The following SIPA1L1 variants were observed in gnomAD, a reference collection of about 807,000 sequenced individuals.
The protein encoded by SIPA1L1 is signal-induced proliferation-associated 1-like protein 1.
A neutral mutation model predicts 162.7 loss-of-function variants in SIPA1L1; 26 were observed. The ratio of observed to expected loss-of-function variants is 0.16; its 90% confidence interval spans 0.12 to 0.22. The LOEUF is 0.22. SIPA1L1 is among the 10% of genes least tolerant of loss of function. SIPA1L1 has a pLI of 1.00. For missense variants in SIPA1L1, 1,874 were observed against 2,241.0 expected, an observed-to-expected ratio of 0.84 and a Z score of 3.31; for synonymous variants, 829 against 837.4, an observed-to-expected ratio of 0.99 and a Z score of 0.17.
chr14:71,419,474 ATC>A (rs2043023054), intron 2 of SIPA1L1, among the ~76,000 whole-genome samples: 1 of 125,592 alleles, frequency 8.0e-6, no homozygotes, highest in African/African-American at 3.0e-5. Flanking sequence ...CTCAAGGAGG[ATC>A]TCTCTTTTTT....
chr14:71,468,208 A>G (rs766904178), intron 2 of SIPA1L1, among the ~76,000 whole-genome samples: 3 of 152,216 alleles, frequency 2.0e-5, no homozygotes, highest in Admixed American at 6.5e-5. Context: ...AATAAAAGGC[A>G]TTGTCTCTAC....
intron 5 of SIPA1L1, among the ~76,000 whole-genome samples, chr14:71,603,687 C>T (rs2037074244): frequency 6.6e-6 from 1 of 151,852 alleles, no homozygotes; most frequent in Non-Finnish European, 1.5e-5. Context: ...CTTTGGGAGG[C>T]CGAGGCGGGT....
At chr14:71,645,439 C>T (rs527324999) in intron 7 of SIPA1L1, among the ~76,000 whole-genome samples, 6 of 152,300 alleles carry the variant, frequency 3.9e-5, no homozygotes, top group African/African-American at 1.4e-4. Flanking sequence ...ACACAAAGTT[C>T]ATCTTGCAAC....
intron 10 of SIPA1L1, among the ~76,000 whole-genome samples, chr14:71,670,291 A>G (rs2044390219): frequency 6.6e-6 from 1 of 152,180 alleles, no homozygotes; most frequent in South Asian, 2.1e-4. Context: ...ACAAATGTTC[A>G]TATGATCCTT....
intron 14 of SIPA1L1, among the ~76,000 whole-genome samples, chr14:71,700,091 A>G (rs2081970262): frequency 6.6e-6 from 1 of 152,142 alleles, no homozygotes; most frequent in African/African-American, 2.4e-5. Flanking sequence ...ATACATGAGA[A>G]ATGAAATTAA....
At chr14:71,324,140 A>G (rs2033502590) in intron 2 of SIPA1L1, among the ~76,000 whole-genome samples, 2 of 152,352 alleles carry the variant, frequency 1.3e-5, no homozygotes, top group Non-Finnish European at 2.9e-5. Context: ...TGATGAGAAT[A>G]CATGTATGAA....
chr14:71,521,404 A>G (rs1298194342), intron 3 of SIPA1L1, among the ~76,000 whole-genome samples: 5 of 152,098 alleles, frequency 3.3e-5, no homozygotes, highest in Non-Finnish European at 7.4e-5. Flanking sequence ...AACTAGGCCT[A>G]TTTGTTCAGC....
intron 5 of SIPA1L1, among the ~76,000 whole-genome samples, chr14:71,601,474 G>T (rs2036740810): frequency 6.6e-6 from 1 of 152,106 alleles, no homozygotes; most frequent in Non-Finnish European, 1.5e-5. Context: ...TCTTTGGTGT[G>T]TTGTTGGATT....
intron 2 of SIPA1L1, among the ~76,000 whole-genome samples, chr14:71,448,320 CAG>C (rs1461996124): frequency 2.0e-5 from 3 of 152,142 alleles, no homozygotes; most frequent in Admixed American, 6.6e-5. Context: ...CCATGTGCCA[CAG>C]AGTTTCCTAA....
chr14:71,614,071 G>T (rs565634511), intron 5 of SIPA1L1, among the ~76,000 whole-genome samples: 1 of 152,018 alleles, frequency 6.6e-6, no homozygotes, highest in African/African-American at 2.4e-5. Flanking sequence ...GTGGTGGCAC[G>T]TGCCTGTAGT....
At chr14:71,556,353 C>T (rs1051379991) in intron 4 of SIPA1L1, among the ~76,000 whole-genome samples, 26 of 152,282 alleles carry the variant, frequency 1.7e-4, no homozygotes, top group Admixed American at 7.8e-4. Flanking sequence ...TGCCAAACAG[C>T]GTACACTGGC....
At chr14:71,402,031 A>T (rs2041706852) in intron 2 of SIPA1L1, among the ~76,000 whole-genome samples, 1 of 152,176 alleles carries the variant, frequency 6.6e-6, no homozygotes, top group Admixed American at 6.5e-5. Flanking sequence ...TAGGCTTTGT[A>T]TCAAGCGACT....
At chr14:71,678,069 A>T (rs1224219932) in intron 12 of SIPA1L1, among the ~76,000 whole-genome samples, 1 of 152,172 alleles carries the variant, frequency 6.6e-6, no homozygotes, top group Admixed American at 6.5e-5. Flanking sequence ...CTAAATATAC[A>T]ATCATGTCAT....
At chr14:71,619,659 C>T (rs1293165181) in intron 6 of SIPA1L1, among the ~76,000 whole-genome samples, 1 of 151,912 alleles carries the variant, frequency 6.6e-6, no homozygotes, top group Non-Finnish European at 1.5e-5. Context: ...GTTGCTAATT[C>T]ACTTTAGGAT....
intron 2 of SIPA1L1, among the ~76,000 whole-genome samples, chr14:71,386,834 A>T (rs533577235): frequency 1.3e-5 from 2 of 152,332 alleles, no homozygotes; most frequent in East Asian, 3.9e-4. Context: ...AGGCTGTGTA[A>T]GGTTTAACCA....
intron 4 of SIPA1L1, among the ~76,000 whole-genome samples, chr14:71,560,678 C>T (rs529483924): frequency 6.6e-6 from 1 of 152,312 alleles, no homozygotes; most frequent in East Asian, 1.9e-4. Context: ...ACCAAGGTGT[C>T]CCACACCCAC....
At position 71,671,477 on chromosome 14, in the gene SIPA1L1, A is replaced by G. The variant is rs199797145; in HGVS notation, c.2614A>G (p.Met872Val). Reference protein sequence around the residue: ...AVRAEDYNKAMELDCLLGISN... With the variant: ...AVRAEDYNKAVELDCLLGISN... ...CCGGGCTGAAGACTACAACAAGGCCATGGAACTAGACTGCCTTTTAGGGAT... is the reference window on the plus strand; with the variant it reads ...CCGGGCTGAAGACTACAACAAGGCCGTGGAACTAGACTGCCTTTTAGGGAT... The change falls in exon 11 of 24, where the codon ATG becomes GTG. Residue 872 changes from methionine (M) to valine (V), a missense_variant. By Grantham distance (21) the Met-to-Val change is conservative (BLOSUM62 1). Around this residue, in one of 5 missense-constraint regions of SIPA1L1, gnomAD observed 243 missense variants for 315.0 expected, o/e 0.77. Transcript: ENST00000381232. 2.8e-5 allele frequency: 46 copies of G among 1,614,156 alleles called. No individual in the cohort carries two copies. The East Asian group carries it at 9.6e-4, about 34-fold the overall frequency.
At chr14:71,340,329 G>T (rs2035521223) in intron 2 of SIPA1L1, among the ~76,000 whole-genome samples, 2 of 151,090 alleles carry the variant, frequency 1.3e-5, no homozygotes, top group South Asian at 4.2e-4. Flanking sequence ...CTTATCTGTT[G>T]TAGGACTTTG....
In SIPA1L1 at chr14:71,649,693, C is replaced by A. The variant is rs545071299; in HGVS notation, c.1819-642C>A. On this transcript the variant is annotated intron_variant, in intron 7 of 23. Coordinates refer to ENST00000381232, the MANE Select transcript of SIPA1L1 (RefSeq NM_001386936.1). ...TAGCTGATTTGCCATTGTGAGGCCT[C>A]TTTTAAAGTTTCTCTGCAGACACTC... is the stretch of plus-strand genomic sequence containing the variant. Among the ~76,000 whole-genome samples the A allele has an allele frequency of 2.0e-5, 3 of 152,266 alleles. No homozygotes were observed. The South Asian group carries it at 6.2e-4, about 32-fold the overall frequency.
Sources: allele counts gnomAD v4.1 joint callset (sites outside exome capture counted in the v4.1 genomes callset), GRCh38; gene constraint gnomAD v4.1.1; regional missense constraint gnomAD v4.1.1; transcripts MANE v1.5; gene names NCBI Gene and HGNC (gene_info 2026-07-23, HGNC 2026-07-21).